The following PLA2G4D variants were observed in gnomAD, a reference collection of about 807,000 sequenced individuals.
PLA2G4D encodes cytosolic phospholipase A2 delta.
A neutral mutation model predicts 94.4 loss-of-function variants in PLA2G4D; 80 were observed. The ratio of observed to expected loss-of-function variants is 0.85; its 90% CI spans 0.71 to 1.02. The LOEUF is 1.02. PLA2G4D is among the 50% of genes least tolerant of loss of function. PLA2G4D has a pLI of 0.00. For missense variants in PLA2G4D, 1,050 were observed against 1,034.7 expected (o/e 1.01, Z -0.20); for synonymous variants, 438 against 440.9 (o/e 0.99, Z 0.08).
At position 42,086,199 on chromosome 15, in the gene PLA2G4D, A is replaced by ACC; in HGVS notation, c.387+12_387+13dup. The ACC allele has an allele frequency of 8.6e-6, 2 of 233,122 alleles. No individual in the cohort carries two copies. Among genetic ancestry groups the ACC allele is most frequent in the South Asian group, 6.8e-5 (2 of 29,226 alleles). The allele number at this position is 233,122 out of a possible 1,614,324, so 14.4% of individuals were successfully genotyped here. Reference sequence around the variant, plus strand: ...AAGTGGGGCCCACGGGGACTTCCCCACCCACCCACCCACCTGGGGACTCTG... The same window carrying ACC: ...AAGTGGGGCCCACGGGGACTTCCCCACCCCCACCCACCCACCTGGGGACTCTG... On this transcript the variant is annotated intron_variant, in intron 4 of 19. Transcript: ENST00000290472.
chr15:42,081,093 C>T lies in PLA2G4D; in HGVS notation c.998G>A (p.Arg333Gln), dbSNP rs759876972. The change falls in exon 12 of 20, where the codon CGG becomes CAG. Residue 333 changes from arginine (R) to glutamine (Q), a missense_variant. Physicochemically the swap from Arg to Gln is conservative, Grantham distance 43 (BLOSUM62 1). Transcript: ENST00000290472. Reference protein sequence around the residue: ...VGIMATGGGARAMTSLYGHLL... With the variant: ...VGIMATGGGAQAMTSLYGHLL... ...GTGGCCGTAGAGTGAGGTCATGGCC[C>T]GGGCACCTCCTCCTGTGGCCATGAT... is the stretch of plus-strand genomic sequence containing the variant. 46 of 1,614,092 alleles carry T rather than the reference C, an allele frequency of 2.8e-5. No homozygotes were observed. In the East Asian group the frequency reaches 2.9e-4, roughly 10 times the overall value.
chr15:42,087,197 A>C (rs1890166220), intron 3 of PLA2G4D, 103 bp downstream of exon 3: 1 of 1,465,224 alleles, frequency 6.8e-7, no homozygotes, highest in Admixed American at 1.8e-5. Context: ...TACTGCTGAG[A>C]GTTTCTCTGA....
rs140571431 is a variant in PLA2G4D at position 42,071,268 on chromosome 15, C to A, written c.1731G>T (p.Ser577=). 2.5e-6 allele frequency: 4 copies of A among 1,603,540 alleles called. No individual in the cohort carries two copies. The highest frequency in any genetic ancestry group is 1.1e-5 in the South Asian group (1 of 89,586). Residue 577 remains serine, a synonymous_variant, in exon 17 of 20, where the codon TCG becomes TCT. Coordinates refer to ENST00000290472, the MANE Select transcript of PLA2G4D (RefSeq NM_178034.4). ...TSGTSSRLEA[S]WLQPGTALAQ... The stretch of plus-strand genomic sequence containing the variant: ...CCAGCGCCGTGCCTGGCTGCAGCCA[C>A]GAGGCCTCCAGCCGCGAGGAGGTCC...
At chr15:42,093,264 GC>G (rs1893974162) in intron 1 of PLA2G4D, among the ~76,000 whole-genome samples, 1 of 152,236 alleles carries the variant, frequency 6.6e-6, no homozygotes, top group African/African-American at 2.4e-5. Context: ...GAGGCGAGGT[GC>G]TTTCCAGGTG....
At chr15:42,086,745 G>A (rs545242704) in intron 3 of PLA2G4D, among the ~76,000 whole-genome samples, 4 of 152,210 alleles carry the variant, frequency 2.6e-5, no homozygotes, top group South Asian at 2.1e-4. Flanking sequence ...CCAGCTACTC[G>A]GGAGGCTGAG....
rs763974652 is a variant in PLA2G4D at position 42,081,540 on chromosome 15, T to C, written c.896A>G (p.Gln299Arg). The change falls in exon 11 of 20, where the codon CAG (glutamine) becomes CGG (arginine). Residue 299 changes from glutamine to arginine, a missense_variant. Physicochemically the swap from Gln to Arg is conservative, Grantham distance 43. Transcript: ENST00000290472. ...EEQAFLSRRK[Q>R]VVAKALKQAL... Reference sequence around the variant, plus strand: ...CTGCTTCAGGGCCTTGGCCACCACCTGCTTCCTCCTGCTCAGGAAGGCCTG... The same window carrying C: ...CTGCTTCAGGGCCTTGGCCACCACCCGCTTCCTCCTGCTCAGGAAGGCCTG... 3 of 1,614,218 alleles carry C rather than the reference T, an allele frequency of 1.9e-6. No individual in the cohort carries two copies. Among genetic ancestry groups the C allele is most frequent in the African/African-American group, 1.3e-5 (1 of 75,062 alleles).
rs113002577 is a variant in PLA2G4D, at chr15:42,083,765, T to C, written c.486A>G (p.Ser162=). The part of the protein sequence containing the change: ...TNKVIVAREL[S]CLDVHLDSTG... ...TGCTGTCCAGATGCACATCCAGGCATGACAGCTCTCGGGCCTGGGGAAGAC... is the reference window on the plus strand; with the variant it reads ...TGCTGTCCAGATGCACATCCAGGCACGACAGCTCTCGGGCCTGGGGAAGAC... Residue 162 remains serine, a synonymous_variant, in exon 7 of 20, where the codon TCA becomes TCG. Transcript: ENST00000290472. 3 of 1,613,756 alleles carry C rather than the reference T, an allele frequency of 1.9e-6. No homozygotes were observed. Among genetic ancestry groups the C allele is most frequent in the Non-Finnish European group, 1.7e-6 (2 of 1,180,002 alleles).
At chr15:42,086,422 A>G in intron 3 of PLA2G4D, 78 bp from the exon 4 acceptor site, 1 of 1,464,602 alleles carries the variant, frequency 6.8e-7, no homozygotes, top group East Asian at 2.3e-5. Context: ...CCCTTACTTG[A>G]TGTCTAGAGT....
Position 42,071,845 on chromosome 15 carries a change from A to T in PLA2G4D, c.1502T>A (p.Leu501His), listed in dbSNP as rs753220405. Residue 501 changes from leucine (L) to histidine (H), a missense_variant, in exon 15 of 20, where the codon CTC becomes CAC. Physicochemically the swap from Leu to His is moderately conservative, Grantham distance 99. Coordinates refer to ENST00000290472, the MANE Select transcript of PLA2G4D (RefSeq NM_178034.4). Reference protein sequence around the residue: ...LKYGAFVPPELFGSEFFMGRL... With the variant: ...LKYGAFVPPEHFGSEFFMGRL... ...TCCCATGAAGAACTCGGAGCCGAAG[A>T]GCTCAGGAGGGACGAAGGCCCCGTA... 1.6e-5 allele frequency: 26 copies of T among 1,614,176 alleles called. No individual in the cohort carries two copies. The South Asian group carries it at 2.7e-4, about 17-fold the overall frequency.
chr15:42,090,562 C>T (rs965566391), intron 1 of PLA2G4D, among the ~76,000 whole-genome samples: 1 of 152,174 alleles, frequency 6.6e-6, no homozygotes, highest in Non-Finnish European at 1.5e-5. Context: ...CTGCTAGCAC[C>T]GGTGCCCTGT....
Position 42,068,800 on chromosome 15 carries a change from G to T in PLA2G4D, c.2372C>A (p.Thr791Asn), listed in dbSNP as rs767740297. ...LLRLSDYNVQ[T>N]SQGAILQALR... ...GGCCTGCAGGATGGCACCCTGGCTG[G>T]TCTGCACGTTGTAGTCACTGAGCCG... The change falls in exon 20 of 20, where the codon ACC becomes AAC. Residue 791 changes from threonine to asparagine, a missense_variant. Thr to Asn is a moderately conservative substitution (Grantham distance 65). Coordinates refer to ENST00000290472, the MANE Select transcript of PLA2G4D (RefSeq NM_178034.4). 1.2e-6 allele frequency: 2 copies of T among 1,613,656 alleles called. No individual in the cohort carries two copies. The highest frequency in any genetic ancestry group is 2.2e-5 in the South Asian group (2 of 90,952).
At chr15:42,086,694 T>C (rs757957315) in intron 3 of PLA2G4D, among the ~76,000 whole-genome samples, 5 of 151,898 alleles carry the variant, frequency 3.3e-5, no homozygotes, top group Non-Finnish European at 5.9e-5. Context: ...CTACTAAAAA[T>C]ACAACAAATT....
intron 3 of PLA2G4D, 135 bp downstream of exon 3, chr15:42,087,165 A>G: frequency 8.7e-7 from 1 of 1,153,078 alleles, no homozygotes; most frequent in East Asian, 2.3e-5. Context: ...CAGCACAGAC[A>G]GGCCAGGGCA....
Position 42,086,194 on chromosome 15 carries a change from T to TTGGGGGGGC in PLA2G4D, c.387+18_387+19insGCCCCCCCA. 1.9e-5 allele frequency: 26 copies of TTGGGGGGGC among 1,370,428 alleles called. No homozygotes were observed. Among genetic ancestry groups the TTGGGGGGGC allele is most frequent in the Non-Finnish European group, 2.4e-5 (25 of 1,043,072 alleles). The allele number at this position is 1,370,428 out of a possible 1,614,324, so 84.9% of individuals were successfully genotyped here. On this transcript the variant is annotated intron_variant, in intron 4 of 19. Transcript: ENST00000290472. Reference sequence around the variant, plus strand: ...GGAAGAAGTGGGGCCCACGGGGACTTCCCCACCCACCCACCCACCTGGGGA... The same window carrying TTGGGGGGGC: ...GGAAGAAGTGGGGCCCACGGGGACTTTGGGGGGGCCCCCACCCACCCACCCACCTGGGGA...
chr15:42,089,386 G>A (rs1231525030), intron 1 of PLA2G4D, among the ~76,000 whole-genome samples: 1 of 152,090 alleles, frequency 6.6e-6, no homozygotes, highest in African/African-American at 2.4e-5. Context: ...CATATGCCTG[G>A]TGGCCCTGCC....
intron 4 of PLA2G4D, 36 bp from the exon 5 acceptor site, chr15:42,085,567 T>C: frequency 1.2e-6 from 2 of 1,603,186 alleles, no homozygotes; most frequent in South Asian, 2.2e-5. Flanking sequence ...CATCAGCACA[T>C]ACCTGTGTCT....
At position 42,086,206 on chromosome 15, in the gene PLA2G4D, C is replaced by T. The variant is rs759202958; in HGVS notation, c.387+7G>A. On this transcript the variant is annotated splice_region_variant and intron_variant, in intron 4 of 19. Coordinates refer to ENST00000290472, the MANE Select transcript of PLA2G4D (RefSeq NM_178034.4). ...GCCCACGGGGACTTCCCCACCCACCCACCCACCTGGGGACTCTGGGAGAAG... is the reference window on the plus strand; with the variant it reads ...GCCCACGGGGACTTCCCCACCCACCTACCCACCTGGGGACTCTGGGAGAAG... 2.4e-6 allele frequency: 2 copies of T among 846,164 alleles called. No individual in the cohort carries two copies. The highest frequency in any genetic ancestry group is 3.4e-6 in the Non-Finnish European group (2 of 586,542). 52.4% of individuals were successfully genotyped at this position (846,164 alleles called of 1,614,324 possible).
intron 5 of PLA2G4D, 136 bp downstream of exon 5, chr15:42,085,355 C>T: frequency 2.7e-6 from 3 of 1,118,032 alleles, no homozygotes; most frequent in Non-Finnish European, 4.1e-6. Flanking sequence ...AAGCCCCGCC[C>T]CACTCCCGAC....
intron 1 of PLA2G4D, 72 bp from the exon 2 acceptor site, chr15:42,087,772 GCCGA>G: frequency 6.7e-7 from 1 of 1,484,260 alleles, no homozygotes; most frequent in Non-Finnish European, 9.3e-7. Context: ...AGCCCGGGCT[GCCGA>G]CACCCCTCAC....
Sources: gnomAD v4.1 joint callset for allele counts (sites outside exome capture counted in the v4.1 genomes callset) on GRCh38, gnomAD v4.1.1 for gene constraint, MANE v1.5 for transcripts, NCBI Gene and HGNC (gene_info 2026-07-23, HGNC 2026-07-21) for gene names.